The following SLC4A5 variants were observed in gnomAD, a reference collection of about 807,000 sequenced individuals.
SLC4A5 encodes the protein electrogenic sodium bicarbonate cotransporter 4.
Under a neutral mutation model 120.4 loss-of-function variants are expected in SLC4A5, and 96 were observed. That is an observed-to-expected ratio of 0.80 (90% CI 0.68 to 0.94). SLC4A5 has a LOEUF of 0.94. SLC4A5 is among the 40% of genes least tolerant of loss of function. The probability of loss-of-function intolerance (pLI) is 0.00; values close to 1 mark genes in which losing one functional copy is unlikely to be tolerated. For missense variants in SLC4A5, 1,259 were observed against 1,459.5 expected (o/e 0.86, Z 2.24); for synonymous variants, 550 against 571.1 (o/e 0.96, Z 0.53).
chr2:74,225,025 A>G, intron 27 of SLC4A5, 30 bp from the exon 28 acceptor site: 1 of 1,592,342 alleles, frequency 6.3e-7, no homozygotes, highest in Non-Finnish European at 8.5e-7. Context: ...AAGTTTTGTG[A>G]GAATTTGGAG....
intron 21 of SLC4A5, 83 bp from the exon 22 acceptor site, chr2:74,235,297 G>T: frequency 1.0e-6 from 1 of 969,790 alleles, no homozygotes; most frequent in Non-Finnish European, 1.6e-6. Context: ...CGGCAGCAAA[G>T]AGGTGAACTA....
chr2:74,296,352 T>TC (rs911357626), intron 7 of SLC4A5, among the ~76,000 whole-genome samples: 4 of 152,134 alleles, frequency 2.6e-5, no homozygotes, highest in African/African-American at 9.7e-5. Flanking sequence ...TTCTCCTTTT[T>TC]CTTCCTCCTT....
intron 6 of SLC4A5, among the ~76,000 whole-genome samples, chr2:74,308,759 G>A (rs1321820122): frequency 6.8e-6 from 1 of 146,870 alleles, no homozygotes; most frequent in East Asian, 2.0e-4. Flanking sequence ...TTCATCAATT[G>A]TGCTTTTAGG....
chr2:74,250,686 G>T, intron 16 of SLC4A5, 169 bp from the exon 17 acceptor site: 1 of 772,976 alleles, frequency 1.3e-6, no homozygotes, highest in Non-Finnish European at 2.0e-6. Flanking sequence ...AATTCCTGTA[G>T]GACTGAGTTT....
chr2:74,299,774 T>G (rs1558902249), intron 7 of SLC4A5, among the ~76,000 whole-genome samples: 1 of 152,204 alleles, frequency 6.6e-6, no homozygotes, highest in Admixed American at 6.5e-5. Flanking sequence ...TTGGTGGGAA[T>G]GTAAATTGGT....
intron 28 of SLC4A5, among the ~76,000 whole-genome samples, chr2:74,224,134 T>C (rs1353495549): frequency 6.6e-6 from 1 of 152,240 alleles, no homozygotes; most frequent in Non-Finnish European, 1.5e-5. Context: ...AGTTTCATCA[T>C]AAGTAATGAA....
At chr2:74,262,341 C>A in intron 10 of SLC4A5, 109 bp from the exon 11 acceptor site, 4 of 575,188 alleles carry the variant, frequency 7.0e-6, no homozygotes, top group Non-Finnish European at 1.2e-5. Context: ...AGACATGTCT[C>A]TTCCCCTTCT....
At chr2:74,259,553 C>A (rs1448184443) in intron 12 of SLC4A5, 35 bp downstream of exon 12, 2 of 1,610,204 alleles carry the variant, frequency 1.2e-6, no homozygotes, top group African/African-American at 2.7e-5. Flanking sequence ...CCTGCCCTGG[C>A]CCTCCATTGC....
chr2:74,264,959 G>A, intron 9 of SLC4A5, 145 bp downstream of exon 9: 1 of 882,208 alleles, frequency 1.1e-6, no homozygotes, highest in Non-Finnish European at 1.7e-6. Flanking sequence ...CCTGCCCTGG[G>A]AGCAACAGAG....
At chr2:74,232,048 G>T (rs1438119892) in intron 24 of SLC4A5, among the ~76,000 whole-genome samples, 1 of 152,176 alleles carries the variant, frequency 6.6e-6, no homozygotes, top group African/African-American at 2.4e-5. Flanking sequence ...CTGGGGAGCG[G>T]GGGTGATCCC....
intron 30 of SLC4A5, among the ~76,000 whole-genome samples, chr2:74,219,417 A>C (rs1287950835): frequency 2.0e-5 from 3 of 151,636 alleles, no homozygotes; most frequent in East Asian, 3.9e-4. Flanking sequence ...TTCTTTCCAC[A>C]TCCTCAGGGA....
intron 8 of SLC4A5, among the ~76,000 whole-genome samples, chr2:74,272,991 G>C (rs1304868776): frequency 6.6e-6 from 1 of 152,216 alleles, no homozygotes; most frequent in Non-Finnish European, 1.5e-5. Context: ...TGCTGGGCTA[G>C]AGTAAGTATC....
At chr2:74,244,535 T>TC (rs1491114833) in intron 19 of SLC4A5, among the ~76,000 whole-genome samples, 1 of 151,750 alleles carries the variant, frequency 6.6e-6, no homozygotes, top group Non-Finnish European at 1.5e-5. Context: ...CTTTCTTTTT[T>TC]CTCTCTTTCC....
At chr2:74,227,415 TTA>T (rs1694883696) in intron 26 of SLC4A5, 1 of 1,474,842 alleles carries the variant, frequency 6.8e-7, no homozygotes, top group African/African-American at 1.4e-5. Context: ...CACAAACTGT[TTA>T]AGAATTCTGG....
chr2:74,251,798 T>C lies in SLC4A5; in HGVS notation c.1478+381A>G, dbSNP rs540518783. On this transcript the variant is annotated intron_variant, in intron 16 of 30. Coordinates refer to ENST00000394019, the Ensembl canonical transcript of SLC4A5. Reference sequence around the variant, plus strand: ...GGAGGAGGCCAGGAAGGATTCCACCTGGAGCCTCAGGGAGCACGGTGGTCC... The same window carrying C: ...GGAGGAGGCCAGGAAGGATTCCACCCGGAGCCTCAGGGAGCACGGTGGTCC... Among the ~76,000 whole-genome samples, 386 of 152,332 alleles carry C rather than the reference T, an allele frequency of 2.5e-3. 3 individuals are homozygous for C. The highest frequency in any genetic ancestry group is 8.9e-3 in the African/African-American group (368 of 41,576).
intron 29 of SLC4A5, 59 bp from the exon 30 acceptor site, chr2:74,221,560 G>A: frequency 6.5e-7 from 1 of 1,534,528 alleles, no homozygotes; most frequent in Non-Finnish European, 9.0e-7. Flanking sequence ...TATTTCTCCG[G>A]GCTTCCCCCA....
At chr2:74,239,215 A>G (rs1465488200) in intron 21 of SLC4A5, 120 bp downstream of exon 21, 19 of 897,432 alleles carry the variant, frequency 2.1e-5, no homozygotes, top group Non-Finnish European at 3.1e-5. Flanking sequence ...ACTTAACTTG[A>G]AAAACCCCAG....
chr2:74,270,406 G>T (rs1488234607), intron 8 of SLC4A5, among the ~76,000 whole-genome samples: 1 of 152,210 alleles, frequency 6.6e-6, no homozygotes, highest in African/African-American at 2.4e-5. Context: ...GGGCGCGGTG[G>T]CTCATGCCTG....
chr2:74,259,663 A>C lies in SLC4A5; in HGVS notation c.812-20T>G, dbSNP rs749725883. 8 of 1,613,920 alleles carry C rather than the reference A, an allele frequency of 5.0e-6. No individual in the cohort carries two copies. Among genetic ancestry groups the C allele is most frequent in the Non-Finnish European group, 6.8e-6 (8 of 1,179,880 alleles). On this transcript the variant is annotated intron_variant, in intron 11 of 30. Coordinates refer to ENST00000394019, the Ensembl canonical transcript of SLC4A5. ...CATGACCTAGGAGAAAAGGAAAAGA[A>C]GATCCATCAGGGGAAGCCAGGCTCT...
Sources: allele counts gnomAD v4.1 joint callset (sites outside exome capture counted in the v4.1 genomes callset), GRCh38; gene constraint gnomAD v4.1.1; transcripts MANE v1.5; gene names NCBI Gene and HGNC (gene_info 2026-07-23, HGNC 2026-07-21).